LINGO2: variants seen among roughly 807,000 people sequenced by gnomAD.
LINGO2 encodes leucine rich repeat and Ig domain containing 2.
LINGO2 carries 14 observed loss-of-function variants against 30.6 expected under a neutral mutation model. The ratio of observed to expected loss-of-function variants is 0.46; its 90% CI spans 0.30 to 0.72. The LOEUF (loss-of-function observed/expected upper bound fraction) is 0.72. Ranked by LOEUF, LINGO2 falls within the 30% of genes least tolerant of loss-of-function variation. The probability of loss-of-function intolerance (pLI) is 0.07; values close to 1 mark genes in which losing one functional copy is unlikely to be tolerated. For synonymous variants in LINGO2, 317 were observed against 288.5 expected (o/e 1.10, Z -1.00); for missense variants, 729 against 751.7 (o/e 0.97, Z 0.35).
chr9:29,160,471 G>T, the LINGO2 span, among the ~76,000 whole-genome samples: 1 of 152,096 alleles, frequency 6.6e-6, no homozygotes, highest in Non-Finnish European at 1.5e-5. Flanking sequence ...TATTTGAAAT[G>T]GTCTAAAATT....
intron 4 of LINGO2, among the ~76,000 whole-genome samples, chr9:28,215,433 C>G (rs1314695012): frequency 6.6e-6 from 1 of 151,662 alleles, no homozygotes; most frequent in Non-Finnish European, 1.5e-5. Flanking sequence ...GCGCATATAG[C>G]AGTGATAAAT....
chr9:28,509,447 A>T (rs1055755289), intron 1 of LINGO2, among the ~76,000 whole-genome samples: 8 of 151,910 alleles, frequency 5.3e-5, no homozygotes, highest in African/African-American at 1.9e-4. Context: ...CTATCTGGAT[A>T]TTTTTCTAGT....
At chr9:29,098,629 G>C in the LINGO2 span, among the ~76,000 whole-genome samples, 3 of 152,064 alleles carry the variant, frequency 2.0e-5, no homozygotes, top group Non-Finnish European at 2.9e-5. Flanking sequence ...TGTAATATAG[G>C]GGAAGAGTGG....
At chr9:28,428,522 C>A (rs893792339) in intron 2 of LINGO2, among the ~76,000 whole-genome samples, 4 of 152,144 alleles carry the variant, frequency 2.6e-5, no homozygotes, top group South Asian at 2.1e-4. Flanking sequence ...CTGAGAAAGT[C>A]ATCTGATCAA....
chr9:28,633,644 G>A (rs1827106487), intron 1 of LINGO2, among the ~76,000 whole-genome samples: 1 of 152,126 alleles, frequency 6.6e-6, no homozygotes, highest in Non-Finnish European at 1.5e-5. Flanking sequence ...TGACAGGCCT[G>A]CCCTACTTCC....
chr9:28,736,684 T>TG, the LINGO2 span, among the ~76,000 whole-genome samples: 1 of 151,736 alleles, frequency 6.6e-6, no homozygotes, highest in South Asian at 2.1e-4. Flanking sequence ...CCCAGCTACT[T>TG]GCGGGGCTGA....
chr9:29,195,013 G>A, the LINGO2 span, among the ~76,000 whole-genome samples: 1 of 152,116 alleles, frequency 6.6e-6, no homozygotes, highest in Non-Finnish European at 1.5e-5. Flanking sequence ...TGTTTGTGCT[G>A]TCTATTTATA....
intron 4 of LINGO2, among the ~76,000 whole-genome samples, chr9:28,029,127 A>G (rs1314766761): frequency 6.6e-6 from 1 of 152,266 alleles, no homozygotes; most frequent in East Asian, 1.9e-4. Context: ...TGCTCAATTC[A>G]TTTGTTTTAT....
chr9:28,954,021 C>T, the LINGO2 span, among the ~76,000 whole-genome samples: 1 of 152,010 alleles, frequency 6.6e-6, no homozygotes, highest in Non-Finnish European at 1.5e-5. Context: ...CTAATCTTAT[C>T]CGAATAATTT....
At chr9:28,952,843 A>G in the LINGO2 span, among the ~76,000 whole-genome samples, 4 of 152,172 alleles carry the variant, frequency 2.6e-5, no homozygotes, top group Non-Finnish European at 4.4e-5. Context: ...AAATAAAATA[A>G]TACTTGTTTT....
chr9:29,187,395 T>C, the LINGO2 span, among the ~76,000 whole-genome samples: 25,194 of 152,148 alleles, frequency 0.17, 2,227 homozygotes, highest in East Asian at 0.38. Context: ...AATCAAAATC[T>C]AGAATGTTAT....
the LINGO2 span, among the ~76,000 whole-genome samples, chr9:28,933,680 A>G: frequency 1.3e-5 from 2 of 152,184 alleles, no homozygotes; most frequent in African/African-American, 2.4e-5. Context: ...TTGATAACAA[A>G]AAAAGATGCT....
intron 4 of LINGO2, among the ~76,000 whole-genome samples, chr9:28,180,999 T>C (rs567318736): frequency 6.6e-6 from 1 of 152,302 alleles, no homozygotes; most frequent in South Asian, 2.1e-4. Context: ...TGAGGTTGCA[T>C]CAACGTGAGA....
chr9:28,088,727 T>C (rs1825986315), intron 4 of LINGO2, among the ~76,000 whole-genome samples: 5 of 152,074 alleles, frequency 3.3e-5, no homozygotes, highest in Non-Finnish European at 1.5e-5. Context: ...TAACCTTAAA[T>C]GTAAATGGGC....
chr9:28,029,256 A>G (rs1823541713), intron 4 of LINGO2, among the ~76,000 whole-genome samples: 1 of 152,180 alleles, frequency 6.6e-6, no homozygotes, highest in Admixed American at 6.6e-5. Flanking sequence ...GGCTAGTATA[A>G]AATGCGAGGT....
At chr9:29,146,402 G>T in the LINGO2 span, among the ~76,000 whole-genome samples, 2 of 151,852 alleles carry the variant, frequency 1.3e-5, no homozygotes, top group Non-Finnish European at 2.9e-5. Flanking sequence ...GACTTCTGTG[G>T]GCCTTAATAA....
chr9:29,065,606 C>T, the LINGO2 span, among the ~76,000 whole-genome samples: 1 of 151,896 alleles, frequency 6.6e-6, no homozygotes, highest in Non-Finnish European at 1.5e-5. Context: ...TCTTAACCTG[C>T]CCTATATTAC....
intron 1 of LINGO2, among the ~76,000 whole-genome samples, chr9:28,518,400 T>G (rs964813616): frequency 6.6e-6 from 1 of 152,174 alleles, no homozygotes; most frequent in Non-Finnish European, 1.5e-5. Context: ...AATCAATCAT[T>G]TATGAAGTGT....
the LINGO2 span, among the ~76,000 whole-genome samples, chr9:29,066,295 A>G: frequency 6.6e-6 from 1 of 151,972 alleles, no homozygotes; most frequent in Non-Finnish European, 1.5e-5. Context: ...GTCGCAAGAG[A>G]AGAATGTGGA....
Sources: gnomAD v4.1 joint callset for allele counts (sites outside exome capture counted in the v4.1 genomes callset) on GRCh38, gnomAD v4.1.1 for gene constraint, MANE v1.5 for transcripts, NCBI Gene and HGNC (gene_info 2026-07-23, HGNC 2026-07-21) for gene names.